The following GLUD1 variants were observed in gnomAD, a reference collection of about 807,000 sequenced individuals.
GLUD1 encodes the protein glutamate dehydrogenase 1, mitochondrial.
GLUD1 carries 22 observed loss-of-function variants against 56.0 expected under a neutral mutation model. That is an observed-to-expected ratio of 0.39 (90% CI 0.28 to 0.56). The LOEUF is 0.56. Ranked by LOEUF, GLUD1 falls within the 20% of genes least tolerant of loss-of-function variation. GLUD1 has a pLI of 0.58. For synonymous variants in GLUD1, 223 were observed against 269.9 expected, an observed-to-expected ratio of 0.83 and a Z score of 1.70; for missense variants, 451 against 732.0, an observed-to-expected ratio of 0.62 and a Z score of 4.43.
At chr10:87,077,611 G>C (rs1846435223) in intron 1 of GLUD1, among the ~76,000 whole-genome samples, 1 of 150,770 alleles carries the variant, frequency 6.6e-6, no homozygotes, top group Non-Finnish European at 1.5e-5. Context: ...GGGTATACTG[G>C]AAGTGGGGAT....
At chr10:87,081,698 T>C (rs1228092235) in intron 1 of GLUD1, among the ~76,000 whole-genome samples, 10 of 152,140 alleles carry the variant, frequency 6.6e-5, no homozygotes, top group Non-Finnish European at 1.5e-5. Context: ...CAGGGTTAAA[T>C]GGATTAAGGG....
intron 1 of GLUD1, among the ~76,000 whole-genome samples, chr10:87,092,919 G>C (rs1235509709): frequency 6.6e-6 from 1 of 152,178 alleles, no homozygotes; most frequent in African/African-American, 2.4e-5. Context: ...GTAGGAAGAA[G>C]GCAGGCAAAT....
At chr10:87,070,986 G>A (rs1252696634) in intron 4 of GLUD1, among the ~76,000 whole-genome samples, 9 of 151,460 alleles carry the variant, frequency 5.9e-5, no homozygotes, top group African/African-American at 1.9e-4. Context: ...AAAATTAGCC[G>A]GGCGTGGTGG....
intron 1 of GLUD1, among the ~76,000 whole-genome samples, chr10:87,081,647 C>T (rs1841256718): frequency 1.3e-5 from 2 of 152,040 alleles, no homozygotes; most frequent in South Asian, 4.2e-4. Flanking sequence ...GTGACCTTAC[C>T]CCGCAACCCT....
chr10:87,070,284 C>A (rs1171905983), intron 4 of GLUD1, among the ~76,000 whole-genome samples: 1 of 151,912 alleles, frequency 6.6e-6, no homozygotes, highest in Non-Finnish European at 1.5e-5. Flanking sequence ...GAGATCCTGT[C>A]TTGATTAAAC....
intron 1 of GLUD1, among the ~76,000 whole-genome samples, chr10:87,092,359 G>C (rs1564567381): frequency 1.3e-5 from 2 of 152,286 alleles, no homozygotes; most frequent in East Asian, 1.9e-4. Flanking sequence ...ATCAATGCTT[G>C]CAACAGTTTA....
chr10:87,093,167 A>G (rs1841564929), intron 1 of GLUD1, among the ~76,000 whole-genome samples: 1 of 152,198 alleles, frequency 6.6e-6, no homozygotes, highest in African/African-American at 2.4e-5. Flanking sequence ...CGGTACAGAG[A>G]GGATTTCTAA....
intron 1 of GLUD1, among the ~76,000 whole-genome samples, chr10:87,077,975 C>T (rs1241283242): frequency 1.3e-5 from 2 of 152,164 alleles, no homozygotes; most frequent in Non-Finnish European, 2.9e-5. Flanking sequence ...TACAATATCT[C>T]ATGGACTGGC....
At chr10:87,087,773 C>T (rs1326457362) in intron 1 of GLUD1, among the ~76,000 whole-genome samples, 2 of 152,198 alleles carry the variant, frequency 1.3e-5, no homozygotes, top group Non-Finnish European at 2.9e-5. Context: ...CCAGCCTTCT[C>T]TGTTCCCACA....
chr10:87,088,767 T>C (rs564645702), intron 1 of GLUD1, among the ~76,000 whole-genome samples: 2 of 152,260 alleles, frequency 1.3e-5, no homozygotes, highest in South Asian at 4.1e-4. Flanking sequence ...TCAAGAGAAA[T>C]AGCAATTCAT....
At chr10:87,092,651 G>T (rs1841537924) in intron 1 of GLUD1, 2 of 973,022 alleles carry the variant, frequency 2.1e-6, no homozygotes, top group Non-Finnish European at 2.4e-6. Flanking sequence ...AGAGAGCTGG[G>T]CATCTGAAGA....
chr10:87,052,088 G>A (rs764179590), intron 12 of GLUD1, among the ~76,000 whole-genome samples: 3 of 152,162 alleles, frequency 2.0e-5, no homozygotes, highest in Non-Finnish European at 2.9e-5. Context: ...GGTGGCTCAC[G>A]CCTGTAATCC....
At chr10:87,074,459 G>C in intron 4 of GLUD1, 92 bp downstream of exon 4, 1 of 777,184 alleles carries the variant, frequency 1.3e-6, no homozygotes, top group Non-Finnish European at 2.4e-6. Flanking sequence ...CTGCACTCTA[G>C]TCTGGGCAAC....
chr10:87,090,116 T>C (rs1222638175), intron 1 of GLUD1, among the ~76,000 whole-genome samples: 1 of 152,162 alleles, frequency 6.6e-6, no homozygotes, highest in African/African-American at 2.4e-5. Flanking sequence ...CAGAGACTAG[T>C]GTCTAGGATT....
chr10:87,076,688 T>G (rs1589373485), intron 1 of GLUD1, 32 bp from the exon 2 acceptor site: 2 of 1,282,748 alleles, frequency 1.6e-6, no homozygotes, highest in Non-Finnish European at 2.3e-6. Context: ...TGTGTTGGGG[T>G]GGGTGAGAAA....
Position 87,094,383 on chromosome 10 carries a change from C to G in GLUD1, c.387G>C (p.Trp129Cys). ...GGGCCCGGTAGCCTTCGATGACCTC[C>G]CAGGAGCCGTCGTCGCGCCGGATGG... ...SFPIRRDDGS[W>C]EVIEGYRAQH... Residue 129 changes from tryptophan (W) to cysteine (C), a missense_variant, in exon 1 of 13, where the codon TGG becomes TGC. Transcript: ENST00000277865. The surrounding 1 kb of genome is among the most constrained non-coding windows in gnomAD (Gnocchi z 6.6). The G allele has an allele frequency of 6.2e-7, 1 of 1,613,040 alleles. No homozygotes were observed. Among genetic ancestry groups the G allele is most frequent in the South Asian group, 1.1e-5 (1 of 91,032 alleles).
rs747542852 is a variant in GLUD1, at chr10:87,062,728, G to C, written c.849C>G (p.Phe283Leu). Reference protein sequence around the residue: ...GRGVFHGIENFINEASYMSIL... With the variant: ...GRGVFHGIENLINEASYMSIL... ...TGCTCATGTAAGAAGCTTCATTGAT[G>C]AAATTTTCAATCCCATGGAAGACAC... Residue 283 changes from phenylalanine (F) to leucine (L), a missense_variant, in exon 6 of 13, where the codon TTC becomes TTG. By Grantham distance (22) the Phe-to-Leu change is conservative. This residue lies in a region of GLUD1 where 248 missense variants were observed against 460.0 expected (regional missense o/e 0.54). Transcript: ENST00000277865. 2 of 1,614,082 alleles carry C rather than the reference G, an allele frequency of 1.2e-6. No individual in the cohort carries two copies. The highest frequency in any genetic ancestry group is 1.7e-5 in the Admixed American group (1 of 60,024).
chr10:87,078,773 C>CA (rs1439666445), intron 1 of GLUD1, among the ~76,000 whole-genome samples: 3 of 152,074 alleles, frequency 2.0e-5, no homozygotes, highest in African/African-American at 7.2e-5. Flanking sequence ...TCAAAGGGTA[C>CA]AAAGCCTCAA....
intron 4 of GLUD1, among the ~76,000 whole-genome samples, chr10:87,069,514 C>CAAAAAAAAAAAAAAAAAA (rs374019349): frequency 1.6e-5 from 1 of 62,620 alleles, no homozygotes; most frequent in Non-Finnish European, 3.3e-5. Flanking sequence ...GACTCTGTTT[C>CAAAAAAAAAAAAAAAAAA]AAAAAAAAAA....
Sources: allele counts gnomAD v4.1 joint callset (sites outside exome capture counted in the v4.1 genomes callset), GRCh38; gene constraint gnomAD v4.1.1; regional missense constraint gnomAD v4.1.1; non-coding constraint Gnocchi (gnomAD v3.1); transcripts MANE v1.5; gene names NCBI Gene and HGNC (gene_info 2026-07-23, HGNC 2026-07-21).